TMEM192: variants seen among roughly 807,000 people sequenced by gnomAD.
TMEM192 encodes the protein transmembrane protein 192.
Under a neutral mutation model 26.7 loss-of-function variants are expected in TMEM192, and 20 were observed. That is an observed-to-expected ratio of 0.75 (90% CI 0.53 to 1.09). The LOEUF (loss-of-function observed/expected upper bound fraction) is 1.09. Among genes scored for constraint, TMEM192 ranks in the 50% least tolerant of loss-of-function variants. The pLI, the probability that TMEM192 is intolerant of heterozygous loss-of-function variation, is 0.00. For synonymous variants in TMEM192, 124 were observed against 121.0 expected, an observed-to-expected ratio of 1.02 and a Z score of -0.16; for missense variants, 304 against 322.6, an observed-to-expected ratio of 0.94 and a Z score of 0.44.
intron 3 of TMEM192, among the ~76,000 whole-genome samples, chr4:165,094,236 C>T (rs1463423166): frequency 2.0e-5 from 3 of 152,016 alleles, no homozygotes; most frequent in Non-Finnish European, 4.4e-5. Flanking sequence ...AGGTTTTCAC[C>T]ATGTTGGCCA....
intron 1 of TMEM192, among the ~76,000 whole-genome samples, chr4:165,104,199 TA>T (rs1361684612): frequency 1.7e-4 from 19 of 108,636 alleles, no homozygotes; most frequent in Non-Finnish European, 8.2e-5. Context: ...CATCACATGT[TA>T]AAAAAAAGAA....
rs750614559 is a variant in TMEM192, at chr4:165,079,661, C to T, written c.813G>A (p.Thr271=). The T allele has an allele frequency of 1.1e-5, 17 of 1,609,310 alleles. No individual in the cohort carries two copies. The Middle Eastern group carries it at 6.6e-4, about 63-fold the overall frequency. ...TGCTGTCATGACCGTGAGCCTCTCA[C>T]GTTCTACTTGGCTGACAGCCCAGGT... ...SSDLGCQPSR[T] The change falls in exon 6 of 6, where the codon ACG becomes ACA. Residue 271 remains threonine, a synonymous_variant. Coordinates refer to ENST00000306480, the MANE Select transcript of TMEM192 (RefSeq NM_001100389.2).
At chr4:165,097,646 A>ACTCTTTCACCTAGGCTGGAGTG (rs1438185675) in intron 3 of TMEM192, among the ~76,000 whole-genome samples, 1 of 139,620 alleles carries the variant, frequency 7.2e-6, no homozygotes, top group African/African-American at 2.7e-5. Context: ...GGGGGGTGTC[A>ACTCTTTCACCTAGGCTGGAGTG]CTCTTTCACC....
At position 165,102,895 on chromosome 4, in the gene TMEM192, T is replaced by C. The variant is rs537101614; in HGVS notation, c.174+55A>G. ...GCACAACTGCCCTCTGAAACACTTA[T>C]ATAATTTTTACAAACATCACCTCTG... On this transcript the variant is annotated intron_variant, in intron 2 of 5. Transcript: ENST00000306480. 6.5e-5 allele frequency: 98 copies of C among 1,512,938 alleles called. No individual in the cohort carries two copies. The South Asian group carries it at 9.5e-4, about 15-fold the overall frequency. 93.7% of individuals were successfully genotyped at this position (1,512,938 alleles called of 1,614,324 possible). A position where few individuals can be genotyped will look rare whatever the true frequency, so the allele number is the denominator to read the frequency against.
At chr4:165,081,440 G>C (rs1251131527) in intron 5 of TMEM192, among the ~76,000 whole-genome samples, 1 of 142,796 alleles carries the variant, frequency 7.0e-6, no homozygotes, top group East Asian at 2.1e-4. Context: ...CTGGAGCACA[G>C]TGGTGCGATC....
At position 165,077,730 on chromosome 4, in the gene TMEM192, GC is replaced by G. The variant is rs1734419504; in HGVS notation, c.*1927del. On this transcript the variant is annotated 3_prime_UTR_variant, in exon 6 of 6. Transcript: ENST00000306480. ...ACTGCGCTCCAGCCTGGGCAACAGA[GC>G]GAGACTCCGTCTGAAAAAAAAAGAA... is the stretch of plus-strand genomic sequence containing the variant. The G allele has an allele frequency of 6.6e-6, 1 of 152,186 alleles. No homozygotes were observed. Among genetic ancestry groups the G allele is most frequent in the African/African-American group, 2.4e-5 (1 of 41,280 alleles). 9.4% of individuals were successfully genotyped at this position (152,186 alleles called of 1,614,324 possible).
chr4:165,102,904 T>A (rs1735070103), intron 2 of TMEM192, 46 bp downstream of exon 2: 1 of 1,534,400 alleles, frequency 6.5e-7, no homozygotes, highest in African/African-American at 1.4e-5. Context: ...ATATAATTTT[T>A]ACAAACATCA....
At chr4:165,091,622 A>G (rs1335129243) in intron 3 of TMEM192, among the ~76,000 whole-genome samples, 1 of 152,164 alleles carries the variant, frequency 6.6e-6, no homozygotes. Flanking sequence ...ATTTATTCTT[A>G]GCAGCAAAGG....
intron 3 of TMEM192, among the ~76,000 whole-genome samples, chr4:165,095,359 T>C (rs1028961744): frequency 6.6e-6 from 1 of 152,164 alleles, no homozygotes; most frequent in Non-Finnish European, 1.5e-5. Flanking sequence ...TGAAGTCAGA[T>C]GCTATGCTAC....
chr4:165,091,040 C>T (rs963052602), intron 3 of TMEM192, among the ~76,000 whole-genome samples: 4 of 150,696 alleles, frequency 2.7e-5, no homozygotes, highest in African/African-American at 4.9e-5. Context: ...ATGAGGCGGG[C>T]GGATCACAAG....
intron 5 of TMEM192, among the ~76,000 whole-genome samples, chr4:165,080,539 C>T (rs1041610246): frequency 6.6e-6 from 1 of 152,018 alleles, no homozygotes; most frequent in East Asian, 1.9e-4. Context: ...GTGTTTTACT[C>T]AGATATTCTA....
intron 2 of TMEM192, among the ~76,000 whole-genome samples, chr4:165,102,470 C>T (rs1735058162): frequency 6.6e-6 from 1 of 152,128 alleles, no homozygotes; most frequent in Admixed American, 6.6e-5. Flanking sequence ...ACAGCCCTCT[C>T]AACTCCCTTT....
At chr4:165,087,213 A>C (rs1163999673) in intron 4 of TMEM192, among the ~76,000 whole-genome samples, 1 of 152,196 alleles carries the variant, frequency 6.6e-6, no homozygotes, top group Non-Finnish European at 1.5e-5. Context: ...GCTGTTAACA[A>C]TCAGAGTTAA....
chr4:165,094,491 C>G (rs1446327201), intron 3 of TMEM192, among the ~76,000 whole-genome samples: 1 of 152,048 alleles, frequency 6.6e-6, no homozygotes, highest in Admixed American at 6.6e-5. Context: ...AACCCCATCT[C>G]TACTAAAAAA....
At chr4:165,112,069 C>A (rs1478977137) in intron 1 of TMEM192, among the ~76,000 whole-genome samples, 1 of 152,202 alleles carries the variant, frequency 6.6e-6, no homozygotes, top group East Asian at 1.9e-4. Flanking sequence ...AACTAGGCCA[C>A]TGGTTTTTTG....
At chr4:165,079,837 C>A in intron 5 of TMEM192, 41 bp from the exon 6 acceptor site, 1 of 1,586,342 alleles carries the variant, frequency 6.3e-7, no homozygotes, top group Non-Finnish European at 8.6e-7. Context: ...ACATATTCAC[C>A]AATACTCATT....
chr4:165,091,947 C>T (rs769309502), intron 3 of TMEM192, among the ~76,000 whole-genome samples: 2 of 152,080 alleles, frequency 1.3e-5, no homozygotes, highest in Non-Finnish European at 2.9e-5. Flanking sequence ...TCACCTGGTA[C>T]AGCAACAGCA....
intron 3 of TMEM192, among the ~76,000 whole-genome samples, chr4:165,100,183 T>G (rs1735005757): frequency 7.1e-6 from 1 of 141,160 alleles, no homozygotes; most frequent in South Asian, 2.2e-4. Flanking sequence ...TTTTTTGAGA[T>G]GGAGTCTCGC....
rs70952698 is a variant in TMEM192 at position 165,075,573 on chromosome 4, ATTT to A, written c.*4082_*4084del. ...CCAGCCGAAATACAAAATTTTTAGT[ATTT>A]TTTTTTTTTTTTGAGATGGAGCCTG... is the stretch of plus-strand genomic sequence containing the variant. On this transcript the variant is annotated 3_prime_UTR_variant, in exon 6 of 6. Coordinates refer to ENST00000306480, the MANE Select transcript of TMEM192 (RefSeq NM_001100389.2). 4 of 135,756 alleles carry A rather than the reference ATTT, an allele frequency of 2.9e-5. No individual in the cohort carries two copies. Among genetic ancestry groups the A allele is most frequent in the Non-Finnish European group, 3.1e-5 (2 of 63,616 alleles). 8.4% of individuals were successfully genotyped at this position (135,756 alleles called of 1,614,324 possible). A position where few individuals can be genotyped will look rare whatever the true frequency, so the allele number is the denominator to read the frequency against.
Sources: gnomAD v4.1 joint callset for allele counts (sites outside exome capture counted in the v4.1 genomes callset) on GRCh38, gnomAD v4.1.1 for gene constraint, MANE v1.5 for transcripts, NCBI Gene and HGNC (gene_info 2026-07-23, HGNC 2026-07-21) for gene names.